Variants in CLDN1 observed in about 807,000 individuals in gnomAD.
CLDN1 encodes claudin-1.
CLDN1 carries 12 observed loss-of-function variants against 22.6 expected under a neutral mutation model. The observed-to-expected ratio is 0.53, with a 90% CI of 0.34 to 0.86. CLDN1 has a LOEUF of 0.86. Ranked by LOEUF, CLDN1 falls within the 40% of genes least tolerant of loss-of-function variation. The probability of loss-of-function intolerance (pLI) is 0.02; values close to 1 mark genes in which losing one functional copy is unlikely to be tolerated. For synonymous variants in CLDN1, 99 were observed against 103.8 expected, an observed-to-expected ratio of 0.95 and a Z score of 0.28; for missense variants, 250 against 269.5, an observed-to-expected ratio of 0.93 and a Z score of 0.51.
At chr3:190,311,512 A>G (rs1716617171) in intron 2 of CLDN1, among the ~76,000 whole-genome samples, 1 of 152,142 alleles carries the variant, frequency 6.6e-6, no homozygotes, top group Non-Finnish European at 1.5e-5. Flanking sequence ...AAAAGCCCCT[A>G]CAAGTCTTCT....
intron 1 of CLDN1, among the ~76,000 whole-genome samples, chr3:190,313,772 T>C (rs530129751): frequency 6.6e-6 from 1 of 152,222 alleles, no homozygotes. Flanking sequence ...CAATGTAGTG[T>C]TTCTCAGGAT....
Position 190,307,069 on chromosome 3 carries a change from G to A in CLDN1, c.*1208C>T, listed in dbSNP as rs1473727148. On this transcript the variant is annotated 3_prime_UTR_variant, in exon 4 of 4. Transcript: ENST00000295522. ...GGCATAGTTCATGTTCAAAGAATGA[G>A]AGTAATATAAACTAATTAATATTCA... The A allele has an allele frequency of 6.6e-6, 1 of 152,624 alleles. No homozygotes were observed. The highest frequency in any genetic ancestry group is 1.5e-5 in the Non-Finnish European group (1 of 68,034). The allele number at this position is 152,624 out of a possible 1,614,324, so 9.5% of individuals were successfully genotyped here.
Position 190,312,857 on chromosome 3 carries a change from C to T in CLDN1, c.388+15G>A, listed in dbSNP as rs772373191. On this transcript the variant is annotated intron_variant, in intron 2 of 3. Transcript: ENST00000295522. ...ACAGGTTAGTAAGGTGAAAGGGGGG[C>T]ACAGCCTCTATTACCTGCAAGAAGA... is the stretch of plus-strand genomic sequence containing the variant. The T allele has an allele frequency of 1.1e-5, 18 of 1,613,662 alleles. 1 individual carries two copies. In the Admixed American group the frequency reaches 2.8e-4, roughly 25 times the overall value.
chr3:190,308,168 C>T lies in CLDN1; in HGVS notation c.*109G>A, dbSNP rs1716509431. On this transcript the variant is annotated 3_prime_UTR_variant, in exon 4 of 4. Transcript: ENST00000295522. Reference sequence around the variant, plus strand: ...TGTTTGTTTGTTTGTTTTGTAATACCATACTTCAGATTACAATACCCAAAA... The same window carrying T: ...TGTTTGTTTGTTTGTTTTGTAATACTATACTTCAGATTACAATACCCAAAA... 7.8e-7 allele frequency: 1 copy of T among 1,277,734 alleles called. No individual in the cohort carries two copies. Among genetic ancestry groups the T allele is most frequent in the African/African-American group, 1.5e-5 (1 of 67,994 alleles). The allele number at this position is 1,277,734 out of a possible 1,614,324, so 79.1% of individuals were successfully genotyped here.
Position 190,308,254 on chromosome 3 carries a change from G to A in CLDN1, c.*23C>T, listed in dbSNP as rs779158499. On this transcript the variant is annotated 3_prime_UTR_variant, in exon 4 of 4. Transcript: ENST00000295522. The stretch of plus-strand genomic sequence containing the variant: ...GTCCATTTTCGGTTTGTTTCAACAT[G>A]ATTTTCTCCTTTTGCCTCTGTGTCA... 1 of 1,613,268 alleles carries A rather than the reference G, an allele frequency of 6.2e-7. No individual in the cohort carries two copies. Among genetic ancestry groups the A allele is most frequent in the Non-Finnish European group, 8.5e-7 (1 of 1,179,446 alleles).
chr3:190,308,865 G>T (rs17501010), intron 3 of CLDN1, among the ~76,000 whole-genome samples: 22,259 of 152,120 alleles, frequency 0.15, 1,837 homozygotes, highest in African/African-American at 0.21. Flanking sequence ...GCTTTGAACA[G>T]ATGATCCATT....
chr3:190,311,094 T>A (rs1716603972), intron 2 of CLDN1, among the ~76,000 whole-genome samples: 2 of 152,204 alleles, frequency 1.3e-5, no homozygotes, highest in Non-Finnish European at 2.9e-5. Context: ...CCTCTAGACA[T>A]GACAGAAAAC....
At position 190,322,046 on chromosome 3, in the gene CLDN1, C is replaced by T. The variant is rs777504205; in HGVS notation, c.161G>A (p.Cys54Tyr). 6.2e-7 allele frequency: 1 copy of T among 1,614,208 alleles called. No homozygotes were observed. The highest frequency in any genetic ancestry group is 8.5e-7 in the Non-Finnish European group (1 of 1,180,034). ...GATCTGCCCGGTGCTCTGCGACACGCAGGACATCCACAGCCCCTCGTACAT... is the reference window on the plus strand; with the variant it reads ...GATCTGCCCGGTGCTCTGCGACACGTAGGACATCCACAGCCCCTCGTACAT... ...QAMYEGLWMS[C>Y]VSQSTGQIQC... is the part of the protein sequence containing the mutation. The change falls in exon 1 of 4, where the codon TGC becomes TAC. Residue 54 changes from cysteine to tyrosine, a missense_variant. Coordinates refer to ENST00000295522, the MANE Select transcript of CLDN1 (RefSeq NM_021101.5).
At chr3:190,316,888 T>A (rs956363313) in intron 1 of CLDN1, among the ~76,000 whole-genome samples, 1 of 152,236 alleles carries the variant, frequency 6.6e-6, no homozygotes, top group Non-Finnish European at 1.5e-5. Flanking sequence ...AAAATCTTGC[T>A]ACTAAAAGCC....
rs1209991196 is a variant in CLDN1, at chr3:190,306,424, C to T, written c.*1853G>A. ...GTTTTCAAACATTTGAAAAGCAACA[C>T]CAAAACGTATGCAGTTAATTCCTCA... On this transcript the variant is annotated 3_prime_UTR_variant, in exon 4 of 4. Transcript: ENST00000295522. The T allele has an allele frequency of 1.3e-5, 2 of 152,156 alleles. No individual in the cohort carries two copies. The highest frequency in any genetic ancestry group is 1.9e-4 in the East Asian group (1 of 5,198). The allele number at this position is 152,156 out of a possible 1,614,324, so 9.4% of individuals were successfully genotyped here.
At chr3:190,318,864 G>A (rs1577392009) in intron 1 of CLDN1, among the ~76,000 whole-genome samples, 1 of 152,220 alleles carries the variant, frequency 6.6e-6, no homozygotes, top group East Asian at 1.9e-4. Context: ...GAGAGTGCTG[G>A]GGAAGCTCAC....
chr3:190,315,484 A>C (rs1457771506), intron 1 of CLDN1, among the ~76,000 whole-genome samples: 1 of 152,166 alleles, frequency 6.6e-6, no homozygotes, highest in East Asian at 1.9e-4. Flanking sequence ...TCTAAGTATA[A>C]TCAGAAGTCA....
chr3:190,312,923 C>T lies in CLDN1; in HGVS notation c.337G>A (p.Val113Met), dbSNP rs1205609041. 2 of 1,614,202 alleles carry T rather than the reference C, an allele frequency of 1.2e-6. No homozygotes were observed. Among genetic ancestry groups the T allele is most frequent in the Admixed American group, 3.3e-5 (2 of 60,018 alleles). ...KCMKCLEDDE[V>M]QKMRMAVIGG... is the part of the protein sequence containing the mutation. ...ATGACAGCCATCCTCATCTTCTGCA[C>T]CTCATCGTCTTCCAAGCACTTCATA... Residue 113 changes from valine (V) to methionine (M), a missense_variant, in exon 2 of 4, where the codon GTG becomes ATG. Transcript: ENST00000295522.
rs755758248 is a variant in CLDN1, at chr3:190,308,303, G to C, written c.610C>G (p.Pro204Ala). 1 of 1,613,812 alleles carries C rather than the reference G, an allele frequency of 6.2e-7. No individual in the cohort carries two copies. Among genetic ancestry groups the C allele is most frequent in the Middle Eastern group, 1.7e-4 (1 of 6,058 alleles). The part of the protein sequence containing the change: ...PTPRPYPKPA[P>A]SSGKDYV ...CACACGTAGTCTTTCCCGCTGGAAG[G>C]TGCAGGTTTTGGATAGGGCCTTGGT... Residue 204 changes from proline (P) to alanine (A), a missense_variant, in exon 4 of 4, where the codon CCT becomes GCT. Physicochemically the swap from Pro to Ala is conservative, Grantham distance 27 (BLOSUM62 -1). Transcript: ENST00000295522.
At position 190,307,586 on chromosome 3, in the gene CLDN1, T is replaced by A. The variant is rs1033278038; in HGVS notation, c.*691A>T. ...TTCTTCTTGGCTTTAGAAACTAAAATGTAGGCTATGAAATGTGTTAGATTC... is the reference window on the plus strand; with the variant it reads ...TTCTTCTTGGCTTTAGAAACTAAAAAGTAGGCTATGAAATGTGTTAGATTC... On this transcript the variant is annotated 3_prime_UTR_variant, in exon 4 of 4. Coordinates refer to ENST00000295522, the MANE Select transcript of CLDN1 (RefSeq NM_021101.5). 3 of 152,174 alleles carry A rather than the reference T, an allele frequency of 2.0e-5. No homozygotes were observed. The highest frequency in any genetic ancestry group is 6.6e-5 in the Admixed American group (1 of 15,262). The allele number at this position is 152,174 out of a possible 1,614,324, so 9.4% of individuals were successfully genotyped here.
At position 190,322,329 on chromosome 3, in the gene CLDN1, C is replaced by G; in HGVS notation, c.-123G>C. 1 of 891,148 alleles carries G rather than the reference C, an allele frequency of 1.1e-6. No homozygotes were observed. The highest frequency in any genetic ancestry group is 1.8e-6 in the Non-Finnish European group (1 of 561,562). 55.2% of individuals were successfully genotyped at this position (891,148 alleles called of 1,614,324 possible). A position where few individuals can be genotyped will look rare whatever the true frequency, so the allele number is the denominator to read the frequency against. On this transcript the variant is annotated 5_prime_UTR_variant, in exon 1 of 4. Transcript: ENST00000295522. Reference sequence around the variant, plus strand: ...CGCGGAGGAAGTTAAGGCGGGGAGCCCTGCTCGCTGCGCCGCCGCTGGAGA... The same window carrying G: ...CGCGGAGGAAGTTAAGGCGGGGAGCGCTGCTCGCTGCGCCGCCGCTGGAGA...
At chr3:190,309,412 A>C in intron 3 of CLDN1, among the ~76,000 whole-genome samples, 1 of 152,222 alleles carries the variant, frequency 6.6e-6, no homozygotes, top group East Asian at 1.9e-4. Context: ...AAAAAGAAAC[A>C]CATCTTATCT....
chr3:190,310,349 A>C (rs1187667133), intron 2 of CLDN1, 96 bp from the exon 3 acceptor site: 2 of 871,196 alleles, frequency 2.3e-6, no homozygotes, highest in Non-Finnish European at 1.9e-6. Flanking sequence ...CAAGAATTAA[A>C]TCTCATCAAT....
At position 190,306,013 on chromosome 3, in the gene CLDN1, C is replaced by G. The variant is rs1435438272; in HGVS notation, c.*2264G>C. 6.6e-6 allele frequency: 1 copy of G among 152,236 alleles called. No individual in the cohort carries two copies. The highest frequency in any genetic ancestry group is 1.5e-5 in the Non-Finnish European group (1 of 68,030). The allele number at this position is 152,236 out of a possible 1,614,324, so 9.4% of individuals were successfully genotyped here. Reference sequence around the variant, plus strand: ...TATATTCTCAGGTTTGGAAGGCACACTAAAATTTATTAGGTCCAATTCCTC... The same window carrying G: ...TATATTCTCAGGTTTGGAAGGCACAGTAAAATTTATTAGGTCCAATTCCTC... On this transcript the variant is annotated 3_prime_UTR_variant, in exon 4 of 4. Coordinates refer to ENST00000295522, the MANE Select transcript of CLDN1 (RefSeq NM_021101.5).
Sources: gnomAD v4.1 joint callset for allele counts (sites outside exome capture counted in the v4.1 genomes callset) on GRCh38, gnomAD v4.1.1 for gene constraint, MANE v1.5 for transcripts, NCBI Gene and HGNC (gene_info 2026-07-23, HGNC 2026-07-21) for gene names.